PRUNE2: variants seen among roughly 807,000 people sequenced by gnomAD.
PRUNE2 encodes the protein protein prune homolog 2.
Under a neutral mutation model 252.0 loss-of-function variants are expected in PRUNE2, and 164 were observed. That is an observed-to-expected ratio of 0.65 (90% CI 0.57 to 0.74). PRUNE2 has a LOEUF of 0.74. PRUNE2 is among the 30% of genes least tolerant of loss of function. The pLI, the probability that PRUNE2 is intolerant of heterozygous loss-of-function variation, is 0.00. For missense variants in PRUNE2, 3,495 were observed against 3,711.0 expected (o/e 0.94, Z 1.51); for synonymous variants, 1,292 against 1,350.2 (o/e 0.96, Z 0.94).
intron 9 of PRUNE2, among the ~76,000 whole-genome samples, chr9:76,697,980 A>G (rs557800056): frequency 1.1e-4 from 16 of 152,230 alleles, no homozygotes; most frequent in Middle Eastern, 3.4e-3. Context: ...CATGACAGAG[A>G]GAGAAAGCAA....
intron 9 of PRUNE2, among the ~76,000 whole-genome samples, chr9:76,691,649 C>A (rs1196189934): frequency 6.6e-5 from 10 of 152,168 alleles, no homozygotes; most frequent in Admixed American, 3.3e-4. Context: ...GCCTCTCTAC[C>A]AGAGCTGTCC....
intron 4 of PRUNE2, among the ~76,000 whole-genome samples, chr9:76,841,856 C>T (rs982361653): frequency 1.3e-5 from 2 of 152,252 alleles, no homozygotes; most frequent in East Asian, 3.9e-4. Flanking sequence ...GGGGAAGGGG[C>T]GGCTGTGGGA....
At chr9:76,638,421 A>T in intron 12 of PRUNE2, 133 bp from the exon 13 acceptor site, 1 of 641,750 alleles carries the variant, frequency 1.6e-6, no homozygotes, top group South Asian at 1.8e-5. Context: ...AATGGGGATT[A>T]TGTTGACTAT....
intron 1 of PRUNE2, among the ~76,000 whole-genome samples, chr9:76,871,497 G>A (rs1177283963): frequency 6.6e-6 from 1 of 152,234 alleles, no homozygotes; most frequent in African/African-American, 2.4e-5. Flanking sequence ...GCTAACAGCT[G>A]TGTCTAGTGC....
intron 1 of PRUNE2, among the ~76,000 whole-genome samples, chr9:76,884,865 GA>G (rs1356866951): frequency 1.3e-5 from 2 of 152,174 alleles, no homozygotes; most frequent in African/African-American, 4.8e-5. Flanking sequence ...ACTTAGAAAG[GA>G]AAGCACTAAA....
chr9:76,639,085 C>T (rs1841409475), intron 12 of PRUNE2, among the ~76,000 whole-genome samples: 1 of 152,204 alleles, frequency 6.6e-6, no homozygotes, highest in Non-Finnish European at 1.5e-5. Flanking sequence ...AATGATTCTA[C>T]AGTCCAGAGC....
At position 76,704,854 on chromosome 9, in the gene PRUNE2, C is replaced by T. The variant is rs773327346; in HGVS notation, c.7420G>A (p.Gly2474Ser). Residue 2474 changes from glycine to serine, a missense_variant, in exon 8 of 19, where the codon GGC becomes AGC. Coordinates refer to ENST00000376718, the MANE Select transcript of PRUNE2 (RefSeq NM_015225.3). ...TTTGATGGAGACAAAATGTTGGAGCCTGCTCCTACCGGCAAATAAACGGAC... is the reference window on the plus strand; with the variant it reads ...TTTGATGGAGACAAAATGTTGGAGCTTGCTCCTACCGGCAAATAAACGGAC... Reference protein sequence around the residue: ...PESVYLPVGAGSNILSPSNVD... With the variant: ...PESVYLPVGASSNILSPSNVD... The T allele has an allele frequency of 5.0e-6, 8 of 1,600,364 alleles. No individual in the cohort carries two copies. The highest frequency in any genetic ancestry group is 6.8e-6 in the Non-Finnish European group (8 of 1,172,596).
At chr9:76,789,285 T>C (rs1183472871) in intron 6 of PRUNE2, among the ~76,000 whole-genome samples, 1 of 152,192 alleles carries the variant, frequency 6.6e-6, no homozygotes, top group Non-Finnish European at 1.5e-5. Flanking sequence ...GACTCTTTGA[T>C]GTAACCATAG....
chr9:76,670,951 G>GA (rs773730836), intron 9 of PRUNE2, among the ~76,000 whole-genome samples: 212 of 152,168 alleles, frequency 1.4e-3, no homozygotes, highest in African/African-American at 2.2e-3. Context: ...CAAAGATGGG[G>GA]AAAAAACAGA....
intron 6 of PRUNE2, among the ~76,000 whole-genome samples, chr9:76,796,753 C>A (rs1232068253): frequency 6.6e-6 from 1 of 152,180 alleles, no homozygotes; most frequent in East Asian, 1.9e-4. Context: ...AATTAGCAGA[C>A]CGGGTAAAGC....
At chr9:76,633,942 T>C (rs1183746566) in intron 15 of PRUNE2, among the ~76,000 whole-genome samples, 3 of 152,022 alleles carry the variant, frequency 2.0e-5, no homozygotes, top group African/African-American at 7.2e-5. Flanking sequence ...AGACCCCATA[T>C]CTACAAAAAA....
intron 1 of PRUNE2, among the ~76,000 whole-genome samples, chr9:76,871,192 C>T (rs1406014548): frequency 1.3e-5 from 2 of 152,156 alleles, no homozygotes; most frequent in Admixed American, 6.5e-5. Context: ...TTCAACCAAC[C>T]AGGCATAAAA....
At chr9:76,776,072 G>A (rs2053701036) in intron 6 of PRUNE2, among the ~76,000 whole-genome samples, 1 of 152,190 alleles carries the variant, frequency 6.6e-6, no homozygotes, top group African/African-American at 2.4e-5. Flanking sequence ...AATCTCACGT[G>A]CACAGAGTAA....
intron 6 of PRUNE2, among the ~76,000 whole-genome samples, chr9:76,805,020 G>T (rs764442492): frequency 1.3e-5 from 2 of 152,174 alleles, no homozygotes; most frequent in African/African-American, 2.4e-5. Context: ...CTGGCTCCAT[G>T]ACTTCCTTTA....
At chr9:76,671,884 C>T (rs1254179649) in intron 9 of PRUNE2, among the ~76,000 whole-genome samples, 1 of 152,006 alleles carries the variant, frequency 6.6e-6, no homozygotes, top group South Asian at 2.1e-4. Context: ...GCCTGCCTTA[C>T]AAGAGCTCCT....
chr9:76,740,064 A>G (rs950318592), intron 6 of PRUNE2: 1 of 130,942 alleles, frequency 7.6e-6, no homozygotes, highest in Non-Finnish European at 1.5e-5. Flanking sequence ...ACTCTGTTTC[A>G]AAAAAAAAAA....
chr9:76,718,373 C>T (rs1016212748), intron 6 of PRUNE2, among the ~76,000 whole-genome samples: 2 of 152,122 alleles, frequency 1.3e-5, no homozygotes, highest in African/African-American at 4.8e-5. Context: ...CTTCTCAGTC[C>T]CCCTGGTGGG....
At chr9:76,657,649 G>A (rs1284359945) in intron 9 of PRUNE2, among the ~76,000 whole-genome samples, 4 of 152,164 alleles carry the variant, frequency 2.6e-5, no homozygotes, top group Admixed American at 1.3e-4. Flanking sequence ...AGTGACTGTG[G>A]AGAATAAATA....
In PRUNE2 at chr9:76,821,197, G is replaced by A. The variant is rs1433010862; in HGVS notation, c.756+2435C>T. 2.6e-5 allele frequency among the ~76,000 whole-genome samples: 4 copies of A among 152,274 alleles called. No homozygotes were observed. In the East Asian group the frequency reaches 7.7e-4, roughly 29 times the overall value. The stretch of plus-strand genomic sequence containing the variant: ...GTAAGAGTTATCATGATGCACCTTG[G>A]TTGACCATGCTTTGGAGGATGAGCA... On this transcript the variant is annotated intron_variant, in intron 6 of 18. Coordinates refer to ENST00000376718, the MANE Select transcript of PRUNE2 (RefSeq NM_015225.3).
Sources: gnomAD v4.1 joint callset for allele counts (sites outside exome capture counted in the v4.1 genomes callset) on GRCh38, gnomAD v4.1.1 for gene constraint, MANE v1.5 for transcripts, NCBI Gene and HGNC (gene_info 2026-07-23, HGNC 2026-07-21) for gene names.